Variants in PHC2 observed in about 807,000 individuals in gnomAD.
PHC2 encodes polyhomeotic homolog 2, also known as polyhomeotic-like protein 2.
In PHC2, 29 loss-of-function variants were observed where a neutral mutation model predicts 87.4. The observed-to-expected ratio is 0.33, with a 90% CI of 0.25 to 0.45. PHC2 has a LOEUF of 0.45. Ranked by LOEUF, PHC2 falls within the 20% of genes least tolerant of loss-of-function variation. The pLI is 1.00. For missense variants in PHC2, 857 were observed against 1,136.7 expected (o/e 0.75, Z 3.54); for synonymous variants, 438 against 461.7 (o/e 0.95, Z 0.66).
chr1:33,339,849 G>A (rs935581119), intron 9 of PHC2, among the ~76,000 whole-genome samples: 1 of 152,196 alleles, frequency 6.6e-6, no homozygotes, highest in Non-Finnish European at 1.5e-5. Context: ...CTTACTGGTT[G>A]AGCATCCCAA....
Position 33,331,479 on chromosome 1 carries a change from TGGGTA to T in PHC2, c.1892-22_1892-18del, listed in dbSNP as rs536826448. The T allele has an allele frequency of 2.4e-4, 335 of 1,421,002 alleles. 2 individuals carry two copies. The East Asian group carries it at 6.1e-3, about 26-fold the overall frequency. The allele number at this position is 1,421,002 out of a possible 1,614,324, so 88.0% of individuals were successfully genotyped here. On this transcript the variant is annotated intron_variant, in intron 11 of 14. Transcript: ENST00000683057. This position sits in a 1 kb window ranked among gnomAD's most constrained non-coding sequence, Gnocchi z 5.2. ...CTTTGGATTCTGAAAAGTATAGAAATGGGTAGGGTGGAGAATGAGAAATTCCTGCA... is the reference window on the plus strand; with the variant it reads ...CTTTGGATTCTGAAAAGTATAGAAATGGGTGGAGAATGAGAAATTCCTGCA...
In PHC2 at chr1:33,332,613, A is replaced by G. The variant is rs1646527063; in HGVS notation, c.1762-209T>C. The G allele has an allele frequency of 1.7e-6, 1 of 571,832 alleles. No homozygotes were observed. Among genetic ancestry groups the G allele is most frequent in the South Asian group, 1.9e-5 (1 of 51,648 alleles). The allele number at this position is 571,832 out of a possible 1,614,324, so 35.4% of individuals were successfully genotyped here. On this transcript the variant is annotated intron_variant, in intron 10 of 14. Transcript: ENST00000683057. The surrounding 1 kb of genome is among the most constrained non-coding windows in gnomAD (Gnocchi z 4.2). ...GGTAAGATGCTAATGGGCAAAGTACAGGGATGGCTTCTGTCCAGGACCAAC... is the reference window on the plus strand; with the variant it reads ...GGTAAGATGCTAATGGGCAAAGTACGGGGATGGCTTCTGTCCAGGACCAAC...
intron 1 of PHC2, among the ~76,000 whole-genome samples, chr1:33,411,829 G>T (rs1489040527): frequency 6.6e-6 from 1 of 152,162 alleles, no homozygotes; most frequent in Non-Finnish European, 1.5e-5. Context: ...AAAGTGCTGG[G>T]ATTACAGGCA....
intron 1 of PHC2, among the ~76,000 whole-genome samples, chr1:33,376,290 C>A: frequency 6.6e-6 from 1 of 152,208 alleles, no homozygotes; most frequent in Non-Finnish European, 1.5e-5. Flanking sequence ...CTGCCTTGAC[C>A]TTCCAAAGTG....
At position 33,363,680 on chromosome 1, in the gene PHC2, C is replaced by T. The variant is rs1433918232; in HGVS notation, c.976+3436G>A. The T allele has an allele frequency of 6.6e-6, 6 of 908,744 alleles. No individual in the cohort carries two copies. The African/African-American group carries it at 7.2e-5, about 11-fold the overall frequency. The allele number at this position is 908,744 out of a possible 1,614,324, so 56.3% of individuals were successfully genotyped here. ...AAAGGGCCCTGGCTTTTCAACAACCCGACAGTTCCCTTTTATCACAGCATA... is the reference window on the plus strand; with the variant it reads ...AAAGGGCCCTGGCTTTTCAACAACCTGACAGTTCCCTTTTATCACAGCATA... On this transcript the variant is annotated intron_variant, in intron 7 of 14. Transcript: ENST00000683057.
At position 33,375,504 on chromosome 1, in the gene PHC2, G is replaced by A. The variant is rs780922145; in HGVS notation, c.36C>T (p.Ser12=). The change falls in exon 2 of 15, where the codon AGC becomes AGT. Residue 12 remains serine, a synonymous_variant. Transcript: ENST00000683057. ...ENELPVPHTS[S]SACATSSTSG... Reference sequence around the variant, plus strand: ...TGGTACTGCTGGTGGCACAGGCACTGCTAGATGTATGTGGGACTGGCAGCT... The same window carrying A: ...TGGTACTGCTGGTGGCACAGGCACTACTAGATGTATGTGGGACTGGCAGCT... 2 of 1,605,502 alleles carry A rather than the reference G, an allele frequency of 1.2e-6. No individual in the cohort carries two copies. The highest frequency in any genetic ancestry group is 2.3e-5 in the East Asian group (1 of 44,010).
In PHC2 at chr1:33,349,582, C is replaced by G. The variant is rs1444479151; in HGVS notation, c.1558+4819G>C. ...TCCCTACTGGCGAGAACCCCTCCCC[C>G]GCCCCGGCACTGACCTGTCCAGGGC... On this transcript the variant is annotated intron_variant, in intron 9 of 14. Transcript: ENST00000683057. The surrounding 1 kb of genome is among the most constrained non-coding windows in gnomAD (Gnocchi z 4.2). 2 of 983,680 alleles carry G rather than the reference C, an allele frequency of 2.0e-6. No homozygotes were observed. The highest frequency in any genetic ancestry group is 4.7e-5 in the South Asian group (1 of 21,272). 60.9% of individuals were successfully genotyped at this position (983,680 alleles called of 1,614,324 possible). A position where few individuals can be genotyped will look rare whatever the true frequency, so the allele number is the denominator to read the frequency against.
intron 9 of PHC2, chr1:33,346,057 C>CT (rs1646839523): frequency 3.0e-6 from 3 of 985,208 alleles, no homozygotes; most frequent in Non-Finnish European, 3.6e-6. Context: ...AAGCATAAAT[C>CT]TATGTGTTCA....
intron 1 of PHC2, among the ~76,000 whole-genome samples, chr1:33,424,942 G>C (rs1286544889): frequency 6.6e-6 from 1 of 152,098 alleles, no homozygotes; most frequent in African/African-American, 2.4e-5. Flanking sequence ...TGGATAACAG[G>C]AATGGGACAT....
intron 1 of PHC2, among the ~76,000 whole-genome samples, chr1:33,408,278 CAT>C (rs1020664304): frequency 6.6e-6 from 1 of 152,126 alleles, no homozygotes; most frequent in East Asian, 1.9e-4. Context: ...AAAAGAATAA[CAT>C]ATTTAAATCA....
rs1460288227 is a variant in PHC2, at chr1:33,386,077, G to A, written c.-54-10484C>T. On this transcript the variant is annotated intron_variant, in intron 1 of 14. Coordinates refer to ENST00000683057, the MANE Select transcript of PHC2 (RefSeq NM_001385109.1). ...CTCCCAAAGTGCTGGGATTACAGGC[G>A]TGAGCCACTGTGCCCGGCCCAGAGT... Among the ~76,000 whole-genome samples the A allele has an allele frequency of 4.6e-5, 7 of 151,960 alleles. No homozygotes were observed. The East Asian group carries it at 5.9e-4, about 13-fold the overall frequency.
intron 1 of PHC2, among the ~76,000 whole-genome samples, chr1:33,417,289 A>C (rs1202308008): frequency 6.6e-6 from 1 of 152,166 alleles, no homozygotes; most frequent in Non-Finnish European, 1.5e-5. Flanking sequence ...AAGGCCAGCT[A>C]TCCCGATAAT....
chr1:33,366,970 G>C, intron 7 of PHC2, 146 bp downstream of exon 7: 1 of 757,710 alleles, frequency 1.3e-6, no homozygotes, highest in Non-Finnish European at 2.2e-6. Context: ...GGAGCTGATG[G>C]ACATTTTGAG....
chr1:33,361,343 GT>G (rs1043287085), intron 7 of PHC2, among the ~76,000 whole-genome samples: 2 of 151,980 alleles, frequency 1.3e-5, no homozygotes, highest in Admixed American at 1.3e-4. Context: ...GAAGGTTTTT[GT>G]TTTTTGTTTT....
intron 1 of PHC2, among the ~76,000 whole-genome samples, chr1:33,384,705 C>G (rs763515826): frequency 6.6e-6 from 1 of 152,222 alleles, no homozygotes; most frequent in Non-Finnish European, 1.5e-5. Flanking sequence ...GCTATAACGT[C>G]TGTTCCTCTT....
At chr1:33,426,709 G>A (rs1247675122) in intron 1 of PHC2, among the ~76,000 whole-genome samples, 1 of 152,094 alleles carries the variant, frequency 6.6e-6, no homozygotes, top group Non-Finnish European at 1.5e-5. Context: ...AAAATGAGGG[G>A]ACCATAGGAA....
chr1:33,349,890 G>T lies in PHC2; in HGVS notation c.1558+4511C>A. On this transcript the variant is annotated intron_variant, in intron 9 of 14. Transcript: ENST00000683057. The surrounding 1 kb of genome is among the most constrained non-coding windows in gnomAD (Gnocchi z 4.2). ...GCGCTCGAGGGCTGCAGCCGCCGCG[G>T]AGACAATGCGGCGAGTCTGGGACGG... The T allele has an allele frequency of 1.0e-6, 1 of 977,834 alleles. No individual in the cohort carries two copies. The highest frequency in any genetic ancestry group is 1.2e-6 in the Non-Finnish European group (1 of 825,932). 60.6% of individuals were successfully genotyped at this position (977,834 alleles called of 1,614,324 possible).
At chr1:33,385,384 T>C (rs951510848) in intron 1 of PHC2, among the ~76,000 whole-genome samples, 1 of 152,248 alleles carries the variant, frequency 6.6e-6, no homozygotes, top group Non-Finnish European at 1.5e-5. Context: ...AGAGACGTTC[T>C]ACTCCATAAA....
In PHC2 at chr1:33,354,432, C is replaced by T. The variant is rs16835408; in HGVS notation, c.1527G>A (p.Thr509=). The change falls in exon 9 of 15, where the codon ACG becomes ACA. Residue 509 remains threonine (T), a synonymous_variant. Transcript: ENST00000683057. The stretch of plus-strand genomic sequence containing the variant: ...CTGGGGACGGCTGGATGTTAGGGCT[C>T]GTGGGTACAGGCAGGCCACCAGGCA... ...TAMPGGLPVP[T]SPNIQPSPAH... 195,035 of 1,613,612 alleles carry T rather than the reference C, an allele frequency of 0.12. 13,339 individuals carry two copies. The highest frequency in any genetic ancestry group is 0.27 in the East Asian group (11,923 of 44,844).
Sources: allele counts gnomAD v4.1 joint callset (sites outside exome capture counted in the v4.1 genomes callset), GRCh38; gene constraint gnomAD v4.1.1; non-coding constraint Gnocchi (gnomAD v3.1); transcripts MANE v1.5; gene names NCBI Gene and HGNC (gene_info 2026-07-23, HGNC 2026-07-21).